Variants in MMP19 observed in about 807,000 individuals in gnomAD.
The protein encoded by MMP19 is matrix metallopeptidase 19.
MMP19 carries 47 observed loss-of-function variants against 46.6 expected under a neutral mutation model. The ratio of observed to expected loss-of-function variants is 1.01; its 90% CI spans 0.80 to 1.29. The LOEUF is 1.29. Among genes scored for constraint, MMP19 ranks in the 50% most tolerant of loss-of-function variants. The pLI, the probability that MMP19 is intolerant of heterozygous loss-of-function variation, is 0.00. For missense variants in MMP19, 589 were observed against 643.5 expected (o/e 0.92, Z 0.92); for synonymous variants, 222 against 248.5 (o/e 0.89, Z 1.00).
Position 55,838,611 on chromosome 12 carries a change from A to G in MMP19, c.890T>C (p.Met297Thr). The change falls in exon 6 of 9, where the codon ATG becomes ACG. Residue 297 changes from methionine to threonine, a missense_variant. Met to Thr is a moderately conservative substitution (Grantham distance 81). Coordinates refer to ENST00000322569, the MANE Select transcript of MMP19 (RefSeq NM_002429.6). The part of the protein sequence containing the change: ...DPCSSELDAM[M>T]LGPRGKTYAF... ...CTGGAGGGGAGGGGCCTCACCCAGC[A>G]TCATGGCATCCAGTTCACTACTGCA... The G allele has an allele frequency of 6.2e-7, 1 of 1,614,204 alleles. No individual in the cohort carries two copies. The highest frequency in any genetic ancestry group is 1.1e-5 in the South Asian group (1 of 91,086).
intron 4 of MMP19, 102 bp from the exon 5 acceptor site, chr12:55,839,843 C>T (rs1439932667): frequency 7.1e-7 from 1 of 1,408,090 alleles, no homozygotes; most frequent in East Asian, 2.5e-5. Context: ...TTTAAAATTC[C>T]CCCAGCTATG....
chr12:55,841,303 C>G, intron 2 of MMP19, 67 bp from the exon 3 acceptor site: 2 of 1,558,786 alleles, frequency 1.3e-6, no homozygotes, highest in Admixed American at 1.7e-5. Context: ...GATGATTGCT[C>G]TTTGACTTCC....
Position 55,840,859 on chromosome 12 carries a change from TC to T in MMP19, c.327del (p.Thr110LeufsTer5), listed in dbSNP as rs754162665. The T allele has an allele frequency of 6.3e-7, 1 of 1,589,744 alleles. No individual in the cohort carries two copies. Among genetic ancestry groups the T allele is most frequent in the Non-Finnish European group, 8.6e-7 (1 of 1,164,106 alleles). On this transcript the variant is annotated frameshift_variant, in exon 4 of 9. Transcript: ENST00000322569. LOFTEE classifies it high-confidence loss of function. ...GAGGGCAGGTTCAAGATGCGGAAAG[TC>T]AGGTGCTTCTTTCTCCAGCGGCCTA... ...LLLGRWRKKHLTFRILNLPST... is the reference protein window; with the variant it reads ...LLLGRWRKKHXTFRILNLPST...
Position 55,837,228 on chromosome 12 carries a change from G to C in MMP19, c.1335C>G (p.Gly445=). ...GCTGGTTGAGGCGCCAGTAGACTTTGCCCTTGAAGAAGTAGACTCGGCCAT... is the reference window on the plus strand; with the variant it reads ...GCTGGTTGAGGCGCCAGTAGACTTTCCCCTTGAAGAAGTAGACTCGGCCAT... ...WQDGRVYFFK[G]KVYWRLNQQL... Residue 445 remains glycine, a synonymous_variant, in exon 9 of 9, where the codon GGC becomes GGG. Coordinates refer to ENST00000322569, the MANE Select transcript of MMP19 (RefSeq NM_002429.6). The C allele has an allele frequency of 6.2e-7, 1 of 1,614,204 alleles. No individual in the cohort carries two copies. The highest frequency in any genetic ancestry group is 8.5e-7 in the Non-Finnish European group (1 of 1,180,032).
In MMP19 at chr12:55,839,757, G is replaced by T. The variant is rs370275408; in HGVS notation, c.521-16C>A. 2.5e-6 allele frequency: 4 copies of T among 1,603,094 alleles called. No homozygotes were observed. Among genetic ancestry groups the T allele is most frequent in the Non-Finnish European group, 3.4e-6 (4 of 1,174,342 alleles). On this transcript the variant is annotated splice_polypyrimidine_tract_variant and intron_variant, in intron 4 of 8. Coordinates refer to ENST00000322569, the MANE Select transcript of MMP19 (RefSeq NM_002429.6). ...AGGACTCTCCCTGGACAAAGGCAAA[G>T]GTGAACAGGAAGGAGGTCAGAGCCC...
chr12:55,838,370 G>A (rs1592605417), intron 6 of MMP19: 1 of 812,088 alleles, frequency 1.2e-6, no homozygotes, highest in East Asian at 2.6e-5. Flanking sequence ...ATTTCCAGAT[G>A]TGTTCTAGTG....
Position 55,839,725 on chromosome 12 carries a change from A to T in MMP19, c.537T>A (p.His179Gln), listed in dbSNP as rs199544456. ...CACTGCCCAGCTCTGGGATGTCGGC[A>T]TGGGCCAGGACTCTCCCTGGACAAA... ...TFDGPGRVLA[H>Q]ADIPELGSVH... Residue 179 changes from histidine to glutamine, a missense_variant, in exon 5 of 9, where the codon CAT becomes CAA. By Grantham distance (24) the His-to-Gln change is conservative. Transcript: ENST00000322569. The T allele has an allele frequency of 8.7e-5, 140 of 1,612,328 alleles. No homozygotes were observed. In the East Asian group the frequency reaches 3.0e-3, roughly 35 times the overall value.
chr12:55,838,674 G>T lies in MMP19; in HGVS notation c.827C>A (p.Pro276His). The change falls in exon 6 of 9, where the codon CCC (proline) becomes CAC (histidine). Residue 276 changes from proline to histidine, a missense_variant. Physicochemically the swap from Pro to His is moderately conservative, Grantham distance 77. Transcript: ENST00000322569. ...GGGACTGGGTTCTGTGGGCACTGGG[G>T]GCACAGTGGGCAGCTCTGTCTCTTC... The part of the protein sequence containing the change: ...EEEETELPTV[P>H]PVPTEPSPMP... 6.2e-7 allele frequency: 1 copy of T among 1,613,502 alleles called. No individual in the cohort carries two copies. Among genetic ancestry groups the T allele is most frequent in the Non-Finnish European group, 8.5e-7 (1 of 1,179,548 alleles).
Position 55,841,162 on chromosome 12 carries a change from G to A in MMP19, c.248C>T (p.Pro83Leu), listed in dbSNP as rs145239368. The A allele has an allele frequency of 1.9e-4, 309 of 1,613,730 alleles. 1 individual carries two copies. The highest frequency in any genetic ancestry group is 1.2e-4 in the Admixed American group (7 of 60,000). ...DDATRARMRQPRCGLEDPFNQ... is the reference protein window; with the variant it reads ...DDATRARMRQLRCGLEDPFNQ... ...GAAGGGATCCTCTAGGCCACAACGAGGCTGCCTCATGCGGGCCCTTGTGGC... is the reference window on the plus strand; with the variant it reads ...GAAGGGATCCTCTAGGCCACAACGAAGCTGCCTCATGCGGGCCCTTGTGGC... The change falls in exon 3 of 9, where the codon CCT becomes CTT. Residue 83 changes from proline (P) to leucine (L), a missense_variant. By Grantham distance (98) the Pro-to-Leu change is moderately conservative (BLOSUM62 -3). Transcript: ENST00000322569.
intron 1 of MMP19, 144 bp downstream of exon 1, chr12:55,842,600 G>A (rs966597841): frequency 2.6e-5 from 22 of 849,360 alleles, no homozygotes; most frequent in Admixed American, 2.1e-4. Context: ...GGGAAGCAGC[G>A]GGAGATGGGC....
At position 55,840,814 on chromosome 12, in the gene MMP19, C is replaced by G; in HGVS notation, c.373G>C (p.Ala125Pro). 1 of 1,611,644 alleles carries G rather than the reference C, an allele frequency of 6.2e-7. No homozygotes were observed. ...NLPSTLPPHT[A>P]RAALRQAFQD... Reference sequence around the variant, plus strand: ...AAGGCTTGACGCAGGGCTGCCCGGGCTGTGTGGGGTGGAAGGGTGGAGGGC... The same window carrying G: ...AAGGCTTGACGCAGGGCTGCCCGGGGTGTGTGGGGTGGAAGGGTGGAGGGC... Residue 125 changes from alanine (A) to proline (P), a missense_variant, in exon 4 of 9, where the codon GCC (alanine) becomes CCC (proline). Ala to Pro is a conservative substitution (Grantham distance 27). Coordinates refer to ENST00000322569, the MANE Select transcript of MMP19 (RefSeq NM_002429.6).
At chr12:55,838,278 G>T (rs1204434591) in intron 6 of MMP19, 1 of 623,976 alleles carries the variant, frequency 1.6e-6, no homozygotes, top group Non-Finnish European at 2.8e-6. Context: ...TCCCCTCCAA[G>T]TGGCTTCCTA....
intron 5 of MMP19, 22 bp downstream of exon 5, chr12:55,839,474 C>A (rs764429076): frequency 1.8e-5 from 28 of 1,583,836 alleles, no homozygotes; most frequent in Non-Finnish European, 2.2e-5. Context: ...GACCCTCCCC[C>A]TCACTAGGGG....
intron 4 of MMP19, 47 bp downstream of exon 4, chr12:55,840,620 G>A (rs1195302234): frequency 1.3e-6 from 2 of 1,552,884 alleles, no homozygotes; most frequent in African/African-American, 1.4e-5. Context: ...AGGAGACAGA[G>A]GTAATCTCAG....
Position 55,837,807 on chromosome 12 carries a change from C to T in MMP19, c.1060+36G>A, listed in dbSNP as rs750060905. On this transcript the variant is annotated intron_variant, in intron 7 of 8. Coordinates refer to ENST00000322569, the MANE Select transcript of MMP19 (RefSeq NM_002429.6). ...TTTTATAGTTTCTTTAAGATTAGGC[C>T]CTCCTCAAGTAAGACACTGTAACTA... The T allele has an allele frequency of 1.1e-5, 17 of 1,593,828 alleles. No homozygotes were observed. The South Asian group carries it at 1.9e-4, about 18-fold the overall frequency.
intron 6 of MMP19, chr12:55,838,391 C>T (rs1372883117): frequency 1.9e-5 from 19 of 1,002,402 alleles, no homozygotes; most frequent in Non-Finnish European, 2.6e-5. Context: ...GCCCTTAGAG[C>T]GTGGCAGCCT....
chr12:55,838,055 G>A, intron 6 of MMP19, 48 bp from the exon 7 acceptor site: 4 of 1,507,256 alleles, frequency 2.7e-6, no homozygotes, highest in Non-Finnish European at 3.6e-6. Context: ...AGGTCAAGTA[G>A]ACAGAAACTT....
At position 55,836,988 on chromosome 12, in the gene MMP19, G is replaced by A. The variant is rs747043867; in HGVS notation, c.*48C>T. ...TGGGGGGGAAATGAAAGGGTGGGTG[G>A]TGGAGCCTCAGGGGTTAATGTCCAA... On this transcript the variant is annotated 3_prime_UTR_variant, in exon 9 of 9. Transcript: ENST00000322569. The A allele has an allele frequency of 2.2e-5, 33 of 1,476,410 alleles. No homozygotes were observed. Among genetic ancestry groups the A allele is most frequent in the African/African-American group, 1.4e-4 (10 of 71,074 alleles). 91.5% of individuals were successfully genotyped at this position (1,476,410 alleles called of 1,614,324 possible). A position where few individuals can be genotyped will look rare whatever the true frequency, so the allele number is the denominator to read the frequency against.
chr12:55,841,640 A>G (rs1881712569), intron 2 of MMP19, among the ~76,000 whole-genome samples: 1 of 151,254 alleles, frequency 6.6e-6, no homozygotes, highest in African/African-American at 2.4e-5. Context: ...GTTGCTGTCA[A>G]ACTTCTGGGC....
Sources: allele counts gnomAD v4.1 joint callset (sites outside exome capture counted in the v4.1 genomes callset), GRCh38; gene constraint gnomAD v4.1.1; transcripts MANE v1.5; gene names NCBI Gene and HGNC (gene_info 2026-07-23, HGNC 2026-07-21).